SCNN1D: variants seen among roughly 807,000 people sequenced by gnomAD.
The protein encoded by SCNN1D is epithelial sodium channel subunit delta.
Under a neutral mutation model 87.8 loss-of-function variants are expected in SCNN1D, and 104 were observed. The ratio of observed to expected loss-of-function variants is 1.18; its 90% CI spans 1.01 to 1.39. The LOEUF (loss-of-function observed/expected upper bound fraction) is 1.39, where lower values mean the gene tolerates loss of function less well. SCNN1D is among the 40% of genes most tolerant of loss of function. The pLI, the probability that SCNN1D is intolerant of heterozygous loss-of-function variation, is 0.00. For missense variants in SCNN1D, 1,324 were observed against 1,093.9 expected, an observed-to-expected ratio of 1.21 and a Z score of -2.97; for synonymous variants, 628 against 481.2, an observed-to-expected ratio of 1.31 and a Z score of -3.99.
chr1:1,281,871 C>T (rs1192248451), intron 3 of SCNN1D: 5 of 574,512 alleles, frequency 8.7e-6, no homozygotes, highest in African/African-American at 7.5e-5. Flanking sequence ...TGCACCAAGG[C>T]TGGGCTGTCT....
At chr1:1,286,675 G>A in intron 7 of SCNN1D, 93 bp from the exon 8 acceptor site, 1 of 1,218,974 alleles carries the variant, frequency 8.2e-7, no homozygotes, top group Non-Finnish European at 1.2e-6. Flanking sequence ...CCGAGTAGGG[G>A]AGGCACTGCT....
rs1162482392 is a variant in SCNN1D, at chr1:1,287,089, C to A, written c.1120-20C>A. 6.3e-7 allele frequency: 1 copy of A among 1,581,308 alleles called. No individual in the cohort carries two copies. Among genetic ancestry groups the A allele is most frequent in the African/African-American group, 1.3e-5 (1 of 74,582 alleles). ...GCCTGGGCTGTAGCCACAGAGCTGA[C>A]CCTCCCTCCCCTCTCCCAGTGCAAC... On this transcript the variant is annotated intron_variant, in intron 8 of 17. Coordinates refer to ENST00000379116, the MANE Select transcript of SCNN1D (RefSeq NM_001130413.4).
chr1:1,285,771 G>A (rs1032573115), intron 6 of SCNN1D, 107 bp downstream of exon 6: 1 of 1,209,972 alleles, frequency 8.3e-7, no homozygotes, highest in Non-Finnish European at 1.1e-6. Context: ...TGTATCCGGG[G>A]AGAAGGGCGC....
intron 3 of SCNN1D, 172 bp downstream of exon 3, chr1:1,281,782 G>T: frequency 1.6e-6 from 1 of 639,714 alleles, no homozygotes; most frequent in South Asian, 2.0e-5. Flanking sequence ...AGGAAGCCGG[G>T]GGCCTTGCTC....
chr1:1,280,653 G>A lies in SCNN1D; in HGVS notation c.-9G>A. On this transcript the variant is annotated 5_prime_UTR_variant, in exon 1 of 18. Coordinates refer to ENST00000379116, the MANE Select transcript of SCNN1D (RefSeq NM_001130413.4). ...TGATGCTGTGCCTGAATTCCAGCAG[G>A]GAGGAGGCATGAGGTGCGTCCGACT... is the stretch of plus-strand genomic sequence containing the variant. 1 of 701,038 alleles carries A rather than the reference G, an allele frequency of 1.4e-6. No homozygotes were observed. Among genetic ancestry groups the A allele is most frequent in the Non-Finnish European group, 2.6e-6 (1 of 384,372 alleles). The allele number at this position is 701,038 out of a possible 1,614,324, so 43.4% of individuals were successfully genotyped here. A position where few individuals can be genotyped will look rare whatever the true frequency, so the allele number is the denominator to read the frequency against.
rs1640485353 is a variant in SCNN1D, at chr1:1,282,273, C to T, written c.309C>T (p.Ser103=). The T allele has an allele frequency of 1.3e-6, 2 of 1,549,506 alleles. No homozygotes were observed. The highest frequency in any genetic ancestry group is 2.7e-5 in the African/African-American group (2 of 73,156). The change falls in exon 4 of 18, where the codon TCC becomes TCT. Residue 103 remains serine, a synonymous_variant. Transcript: ENST00000379116. ...GLGDSSMAFL[S]RTSPVAAASF... Reference sequence around the variant, plus strand: ...GTGACTCCAGCATGGCTTTCCTCTCCAGGACGTCACCGGTGGCAGCTGCTT... The same window carrying T: ...GTGACTCCAGCATGGCTTTCCTCTCTAGGACGTCACCGGTGGCAGCTGCTT...
rs370351929 is a variant in SCNN1D at position 1,286,246 on chromosome 1, G to T, written c.879G>T (p.Pro293=). Residue 293 remains proline (P), a synonymous_variant, in exon 7 of 18, where the codon CCG becomes CCT. Transcript: ENST00000379116. ...TGCACTCGGAGCGCAAGCTGCTCCCGCTGGTCACCCTGTGTGACGGGAACC... is the reference window on the plus strand; with the variant it reads ...TGCACTCGGAGCGCAAGCTGCTCCCTCTGGTCACCCTGTGTGACGGGAACC... ...VSVHSERKLL[P]LVTLCDGNPR... 7.0e-5 allele frequency: 111 copies of T among 1,591,986 alleles called. 1 individual carries two copies. The Middle Eastern group carries it at 1.3e-3, about 19-fold the overall frequency.
chr1:1,285,905 C>T, intron 6 of SCNN1D, 21 bp from the exon 7 acceptor site: 1 of 1,529,984 alleles, frequency 6.5e-7, no homozygotes, highest in Non-Finnish European at 8.8e-7. Context: ...CCGGGCCCTG[C>T]TGAGGCCACT....
chr1:1,283,250 A>G (rs1640506224), intron 4 of SCNN1D, among the ~76,000 whole-genome samples: 1 of 152,162 alleles, frequency 6.6e-6, no homozygotes, highest in South Asian at 2.1e-4. Flanking sequence ...GTGTTCCCAC[A>G]TTAGCACCTG....
In SCNN1D at chr1:1,287,738, A is replaced by C; in HGVS notation, c.1465A>C (p.Ile489Leu). Residue 489 changes from isoleucine (I) to leucine (L), a missense_variant, in exon 11 of 18, where the codon ATC (isoleucine) becomes CTC (leucine). Coordinates refer to ENST00000379116, the MANE Select transcript of SCNN1D (RefSeq NM_001130413.4). ...HLPLLSTLAGIRVMVHGRNHT... is the reference protein window; with the variant it reads ...HLPLLSTLAGLRVMVHGRNHT... ...CCCTCTGCTGTCCACGCTGGCCGGC[A>C]TCAGGGTCATGGTTCACGGCCGTAA... 4 of 1,608,434 alleles carry C rather than the reference A, an allele frequency of 2.5e-6. No homozygotes were observed. The highest frequency in any genetic ancestry group is 3.4e-6 in the Non-Finnish European group (4 of 1,177,984).
chr1:1,281,455 G>A lies in SCNN1D; in HGVS notation c.122G>A (p.Arg41Gln), dbSNP rs747957720. 1.4e-5 allele frequency: 22 copies of A among 1,519,774 alleles called. No homozygotes were observed. Among genetic ancestry groups the A allele is most frequent in the Middle Eastern group, 3.4e-4 (2 of 5,914 alleles). 94.1% of individuals were successfully genotyped at this position (1,519,774 alleles called of 1,614,324 possible). The change falls in exon 3 of 18, where the codon CGG becomes CAG. Residue 41 changes from arginine (R) to glutamine (Q), a missense_variant. Arg to Gln is a conservative substitution (Grantham distance 43, BLOSUM62 1). Coordinates refer to ENST00000379116, the MANE Select transcript of SCNN1D (RefSeq NM_001130413.4). ...WCSDHRTPTCRELGSPHPTPC... is the reference protein window; with the variant it reads ...WCSDHRTPTCQELGSPHPTPC... Reference sequence around the variant, plus strand: ...AGTGACCACAGGACCCCCACATGCCGGGAGCTGGGTTCGCCCCACCCCACC... The same window carrying A: ...AGTGACCACAGGACCCCCACATGCCAGGAGCTGGGTTCGCCCCACCCCACC...
At chr1:1,287,469 A>G (rs775340088) in intron 9 of SCNN1D, 39 bp from the exon 10 acceptor site, 855 of 1,509,370 alleles carry the variant, frequency 5.7e-4, no homozygotes, top group Non-Finnish European at 7.2e-4. Context: ...GGGCGCGGGC[A>G]GCCGACATTC....
chr1:1,290,930 G>A lies in SCNN1D; in HGVS notation c.1953G>A (p.Leu651=). ...TGGCCACGCTAGGTGAACAGGGGCT[G>A]CCGCATCAGAGCCACAGACAGAGGT... The part of the protein sequence containing the change: ...WTLATLGEQG[L]PHQSHRQRSS... Residue 651 remains leucine (L), a synonymous_variant, in exon 16 of 18, where the codon CTG becomes CTA. Transcript: ENST00000379116. 6.2e-7 allele frequency: 1 copy of A among 1,610,198 alleles called. No individual in the cohort carries two copies. The highest frequency in any genetic ancestry group is 1.1e-5 in the South Asian group (1 of 90,670).
chr1:1,290,056 CCGTGTCTCTGCTCCGT>C (rs1640737005), intron 12 of SCNN1D, among the ~76,000 whole-genome samples, 199 bp from the exon 13 acceptor site: 5 of 121,858 alleles, frequency 4.1e-5, no homozygotes, highest in South Asian at 3.0e-4. Flanking sequence ...CTGCTCCGTC[CCGTGTCTCTGCTCCGT>C]CCCGTGTCTC....
At chr1:1,284,363 C>T (rs1640540851) in intron 5 of SCNN1D, among the ~76,000 whole-genome samples, 1 of 118,410 alleles carries the variant, frequency 8.4e-6, no homozygotes, top group Non-Finnish European at 1.8e-5. Flanking sequence ...CTTGAGGTAC[C>T]AGGGGCTGGG....
chr1:1,287,824 C>T lies in SCNN1D; in HGVS notation c.1551C>T (p.Ile517=). 1 of 1,557,050 alleles carries T rather than the reference C, an allele frequency of 6.4e-7. No homozygotes were observed. Among genetic ancestry groups the T allele is most frequent in the Non-Finnish European group, 8.7e-7 (1 of 1,149,842 alleles). ...TCCGGCCAGGGACGGAGGCCACCAT[C>T]AGCATCCGAGAGGTGAGCTGGCCTC... is the stretch of plus-strand genomic sequence containing the variant. ...FSVRPGTEAT[I]SIREDEVHRL... is the part of the protein sequence containing the mutation. Residue 517 remains isoleucine (I), a synonymous_variant, in exon 11 of 18, where the codon ATC becomes ATT. Coordinates refer to ENST00000379116, the MANE Select transcript of SCNN1D (RefSeq NM_001130413.4).
At position 1,285,577 on chromosome 1, in the gene SCNN1D, T is replaced by A; in HGVS notation, c.471T>A (p.Pro157=). 3 of 1,532,976 alleles carry A rather than the reference T, an allele frequency of 2.0e-6. No homozygotes were observed. Among genetic ancestry groups the A allele is most frequent in the Non-Finnish European group, 2.6e-6 (3 of 1,138,258 alleles). 95.0% of individuals were successfully genotyped at this position (1,532,976 alleles called of 1,614,324 possible). Residue 157 remains proline, a synonymous_variant, in exon 6 of 18, where the codon CCT becomes CCA. Coordinates refer to ENST00000379116, the MANE Select transcript of SCNN1D (RefSeq NM_001130413.4). Reference sequence around the variant, plus strand: ...CGTACTTGCCTTTGGGTAGATCGCCTGGGCCTGTGGCTCCCCAGAGGCCCT... The same window carrying A: ...CGTACTTGCCTTTGGGTAGATCGCCAGGGCCTGTGGCTCCCCAGAGGCCCT... The part of the protein sequence containing the change: ...PHGGALTSRS[P]GPVAPQRPCH...
chr1:1,288,118 G>A (rs1467362646), intron 12 of SCNN1D, 81 bp downstream of exon 12: 4 of 960,206 alleles, frequency 4.2e-6, no homozygotes, highest in Non-Finnish European at 6.2e-6. Context: ...ACGGGGGAGG[G>A]GTCTGGGAGA....
At position 1,285,757 on chromosome 1, in the gene SCNN1D, C is replaced by T. The variant is rs997147115; in HGVS notation, c.558+93C>T. On this transcript the variant is annotated intron_variant, in intron 6 of 17. Transcript: ENST00000379116. The stretch of plus-strand genomic sequence containing the variant: ...AGGCTACACTGAGACGTGTCAGGGA[C>T]GGGTGTATCCGGGGAGAAGGGCGCA... The T allele has an allele frequency of 1.1e-4, 137 of 1,216,386 alleles. 1 individual carries two copies. The Admixed American group carries it at 2.2e-3, about 20-fold the overall frequency. The allele number at this position is 1,216,386 out of a possible 1,614,324, so 75.3% of individuals were successfully genotyped here. A position where few individuals can be genotyped will look rare whatever the true frequency, so the allele number is the denominator to read the frequency against.
Sources: gnomAD v4.1 joint callset for allele counts (sites outside exome capture counted in the v4.1 genomes callset) on GRCh38, gnomAD v4.1.1 for gene constraint, MANE v1.5 for transcripts, NCBI Gene and HGNC (gene_info 2026-07-23, HGNC 2026-07-21) for gene names.